The following PPP1R9A variants were observed in gnomAD, a reference collection of about 807,000 sequenced individuals.
The protein encoded by PPP1R9A is protein phosphatase 1 regulatory subunit 9A.
A neutral mutation model predicts 141.9 loss-of-function variants in PPP1R9A; 59 were observed. That is an observed-to-expected ratio of 0.42 (90% CI 0.34 to 0.52). The LOEUF (loss-of-function observed/expected upper bound fraction) is 0.52, where lower values mean the gene tolerates loss of function less well. PPP1R9A is among the 20% of genes least tolerant of loss of function. The probability of loss-of-function intolerance (pLI) is 0.10; values close to 1 mark genes in which losing one functional copy is unlikely to be tolerated. For missense variants in PPP1R9A, 1,444 were observed against 1,611.9 expected, an observed-to-expected ratio of 0.90 and a Z score of 1.78; for synonymous variants, 500 against 569.7, an observed-to-expected ratio of 0.88 and a Z score of 1.74.
intron 2 of PPP1R9A, among the ~76,000 whole-genome samples, chr7:94,928,592 A>C (rs1381442586): frequency 1.3e-5 from 2 of 152,280 alleles, no homozygotes; most frequent in Non-Finnish European, 2.9e-5. Flanking sequence ...TTATGCCCTC[A>C]CTACTCACCT....
At chr7:95,096,839 A>C (rs1818088610) in intron 2 of PPP1R9A, among the ~76,000 whole-genome samples, 1 of 152,030 alleles carries the variant, frequency 6.6e-6, no homozygotes, top group Non-Finnish European at 1.5e-5. Context: ...TACTACCCCC[A>C]ACCCGCCTTA....
intron 1 of PPP1R9A, chr7:94,908,531 C>G (rs972637708): frequency 6.6e-6 from 1 of 152,256 alleles, no homozygotes; most frequent in African/African-American, 2.4e-5. Context: ...CCTGCTCTCC[C>G]GGTCCTGCCC....
At chr7:95,199,753 G>A (rs530266878) in intron 6 of PPP1R9A, among the ~76,000 whole-genome samples, 1 of 152,210 alleles carries the variant, frequency 6.6e-6, no homozygotes, top group East Asian at 1.9e-4. Context: ...TATGAAAAAT[G>A]TTCTCTTGAA....
At chr7:95,101,486 A>C (rs759776623) in intron 2 of PPP1R9A, among the ~76,000 whole-genome samples, 1 of 152,188 alleles carries the variant, frequency 6.6e-6, no homozygotes, top group Non-Finnish European at 1.5e-5. Context: ...TACTTTCCAG[A>C]TTCCAGAAAT....
chr7:94,997,974 GA>G (rs869129167), intron 2 of PPP1R9A, among the ~76,000 whole-genome samples: 5 of 151,812 alleles, frequency 3.3e-5, no homozygotes, highest in Admixed American at 2.0e-4. Context: ...CTCAATGTTT[GA>G]AAAAAAATTT....
intron 12 of PPP1R9A, among the ~76,000 whole-genome samples, chr7:95,257,749 G>A (rs1165586763): frequency 6.6e-6 from 1 of 151,824 alleles, no homozygotes; most frequent in Non-Finnish European, 1.5e-5. Context: ...TCTCACCTAT[G>A]AGTGAGAACA....
intron 2 of PPP1R9A, among the ~76,000 whole-genome samples, chr7:95,081,451 A>G (rs910729129): frequency 5.9e-5 from 9 of 152,232 alleles, no homozygotes; most frequent in African/African-American, 1.9e-4. Context: ...TCCAAATCAA[A>G]CTTCTAGAGA....
chr7:95,086,967 C>A (rs1816712743), intron 2 of PPP1R9A, among the ~76,000 whole-genome samples: 1 of 151,660 alleles, frequency 6.6e-6, no homozygotes, highest in African/African-American at 2.4e-5. Context: ...AGGATCTCTC[C>A]AGCCCTGGAG....
chr7:95,106,991 A>C (rs919987547), intron 2 of PPP1R9A, among the ~76,000 whole-genome samples: 2 of 152,052 alleles, frequency 1.3e-5, no homozygotes, highest in Non-Finnish European at 2.9e-5. Flanking sequence ...CATGTTGGCC[A>C]GACTGGTTTC....
At chr7:95,196,799 T>C (rs1336582950) in intron 5 of PPP1R9A, among the ~76,000 whole-genome samples, 1 of 152,148 alleles carries the variant, frequency 6.6e-6, no homozygotes, top group African/African-American at 2.4e-5. Context: ...ATAGTTTGGG[T>C]TGATGGAAAT....
intron 2 of PPP1R9A, among the ~76,000 whole-genome samples, chr7:94,936,940 TAGG>T (rs1794834686): frequency 1.3e-5 from 2 of 152,066 alleles, no homozygotes; most frequent in Admixed American, 1.3e-4. Flanking sequence ...AAAGCAAAAA[TAGG>T]AGGAATTTTT....
intron 8 of PPP1R9A, among the ~76,000 whole-genome samples, chr7:95,227,500 T>C (rs1003455290): frequency 6.6e-6 from 1 of 152,216 alleles, no homozygotes; most frequent in Non-Finnish European, 1.5e-5. Flanking sequence ...GACCAGGGGT[T>C]AGCAAATTAT....
intron 2 of PPP1R9A, among the ~76,000 whole-genome samples, chr7:95,097,240 G>A (rs1818163187): frequency 6.6e-6 from 1 of 152,072 alleles, no homozygotes; most frequent in Non-Finnish European, 1.5e-5. Context: ...TGGCCAGGCT[G>A]GTCCTGAACT....
At chr7:95,235,642 A>G (rs1429269931) in intron 8 of PPP1R9A, among the ~76,000 whole-genome samples, 1 of 152,174 alleles carries the variant, frequency 6.6e-6, no homozygotes, top group East Asian at 1.9e-4. Flanking sequence ...AAGTAGATCT[A>G]TCATTTGATC....
chr7:95,019,761 C>T (rs545098607), intron 2 of PPP1R9A, among the ~76,000 whole-genome samples: 170 of 151,890 alleles, frequency 1.1e-3, no homozygotes, highest in Non-Finnish European at 1.9e-3. Context: ...TTATATATAT[C>T]GCTGAAGTAA....
At chr7:94,949,997 TG>T (rs1796299557) in intron 2 of PPP1R9A, among the ~76,000 whole-genome samples, 1 of 151,794 alleles carries the variant, frequency 6.6e-6, no homozygotes, top group African/African-American at 2.4e-5. Flanking sequence ...AACTTTTTGG[TG>T]TCAAGACCCT....
At chr7:95,185,378 A>ATTTTTTT (rs147366122) in intron 5 of PPP1R9A, among the ~76,000 whole-genome samples, 1 of 148,814 alleles carries the variant, frequency 6.7e-6, no homozygotes, top group Admixed American at 6.7e-5. Context: ...TTTTTATGGG[A>ATTTTTTT]TTTTTTTTTT....
intron 4 of PPP1R9A, among the ~76,000 whole-genome samples, chr7:95,122,812 T>C (rs922715529): frequency 1.3e-5 from 2 of 152,178 alleles, no homozygotes; most frequent in Non-Finnish European, 2.9e-5. Context: ...GATAGTAGTA[T>C]TTCCAGTTAT....
intron 2 of PPP1R9A, among the ~76,000 whole-genome samples, chr7:94,974,617 G>GTCAACA (rs2151263452): frequency 6.6e-6 from 1 of 152,230 alleles, no homozygotes; most frequent in South Asian, 2.1e-4. Flanking sequence ...GTTACGTCAG[G>GTCAACA]TCAACACAGT....
Sources: allele counts gnomAD v4.1 joint callset (sites outside exome capture counted in the v4.1 genomes callset), GRCh38; gene constraint gnomAD v4.1.1; transcripts MANE v1.5; gene names NCBI Gene and HGNC (gene_info 2026-07-23, HGNC 2026-07-21).